Variants in DLG2 observed in about 807,000 individuals in gnomAD.
DLG2 encodes discs large MAGUK scaffold protein 2, also known as disks large homolog 2.
DLG2 carries 45 observed loss-of-function variants against 132.5 expected under a neutral mutation model. The observed-to-expected ratio is 0.34, with a 90% CI of 0.27 to 0.44. The LOEUF (loss-of-function observed/expected upper bound fraction) is 0.44. DLG2 is among the 20% of genes least tolerant of loss of function. The probability of loss-of-function intolerance (pLI) is 1.00; values close to 1 mark genes in which losing one functional copy is unlikely to be tolerated. For missense variants in DLG2, 1,045 were observed against 1,196.9 expected, an observed-to-expected ratio of 0.87 and a Z score of 1.87; for synonymous variants, 424 against 419.6, an observed-to-expected ratio of 1.01 and a Z score of -0.13.
At chr11:84,011,518 C>A (rs867418440) in intron 11 of DLG2, among the ~76,000 whole-genome samples, 1 of 151,754 alleles carries the variant, frequency 6.6e-6, no homozygotes, top group Non-Finnish European at 1.5e-5. Flanking sequence ...ACAAGAAAAA[C>A]CAGCTTTACT....
intron 6 of DLG2, among the ~76,000 whole-genome samples, chr11:84,589,540 A>G (rs192340449): frequency 2.2e-4 from 34 of 152,312 alleles, no homozygotes; most frequent in Admixed American, 2.0e-3. Context: ...GAAGTCTAGA[A>G]TTCTCCTAGA....
chr11:84,732,990 A>G (rs888178575), intron 6 of DLG2, among the ~76,000 whole-genome samples: 9 of 152,132 alleles, frequency 5.9e-5, no homozygotes. Flanking sequence ...TTATGGCTGC[A>G]TAGTATTCCA....
chr11:83,888,566 C>T (rs1349525690), intron 15 of DLG2, among the ~76,000 whole-genome samples: 1 of 152,158 alleles, frequency 6.6e-6, no homozygotes, highest in Non-Finnish European at 1.5e-5. Context: ...CATCAAGCTA[C>T]CAATGACTTT....
chr11:84,961,594 T>C lies in DLG2; in HGVS notation c.357+150067A>G, dbSNP rs148681917. On this transcript the variant is annotated intron_variant, in intron 6 of 27. Transcript: ENST00000376104. ...TGTGTATGCATGCACTAAGATGCTT[T>C]GTAAGCACTTGTTTGTTCATTAGTT... 4.0e-4 allele frequency among the ~76,000 whole-genome samples: 61 copies of C among 151,792 alleles called. 2 individuals carry two copies. Among genetic ancestry groups the C allele is most frequent in the African/African-American group, 1.3e-3 (55 of 41,382 alleles).
chr11:85,372,580 G>C (rs2085074122), intron 3 of DLG2, among the ~76,000 whole-genome samples: 1 of 152,194 alleles, frequency 6.6e-6, no homozygotes, highest in Non-Finnish European at 1.5e-5. Context: ...TGCCAATTAA[G>C]GCAACCCCAA....
At chr11:83,883,070 T>C (rs1463158170) in intron 15 of DLG2, among the ~76,000 whole-genome samples, 1 of 152,230 alleles carries the variant, frequency 6.6e-6, no homozygotes, top group African/African-American at 2.4e-5. Flanking sequence ...GCATGCTTGA[T>C]TTCTTAATTG....
chr11:83,870,719 C>T (rs1344646873), intron 16 of DLG2, among the ~76,000 whole-genome samples: 1 of 152,044 alleles, frequency 6.6e-6, no homozygotes, highest in Non-Finnish European at 1.5e-5. Flanking sequence ...GGTGTGCATG[C>T]TAATTGGGGG....
At chr11:85,152,685 T>G (rs2077335472) in intron 5 of DLG2, among the ~76,000 whole-genome samples, 1 of 152,196 alleles carries the variant, frequency 6.6e-6, no homozygotes, top group African/African-American at 2.4e-5. Context: ...CCAAGAACAT[T>G]CAAATAGTAA....
At position 83,468,816 on chromosome 11, in the gene DLG2, A is replaced by AT. The variant is rs2091580994; in HGVS notation, c.2619+384_2619+385insA. 2.0e-5 allele frequency among the ~76,000 whole-genome samples: 3 copies of AT among 152,246 alleles called. No homozygotes were observed. In the Middle Eastern group the frequency reaches 0.01, roughly 518 times the overall value. On this transcript the variant is annotated intron_variant, in intron 25 of 27. Coordinates refer to ENST00000376104, the MANE Select transcript of DLG2 (RefSeq NM_001142699.3). ...GCCCTTCTCATCTATCTTCTCTTCTACCATGAGGATGTCAAGTTTTCAGAG... is the reference window on the plus strand; with the variant it reads ...GCCCTTCTCATCTATCTTCTCTTCTATCCATGAGGATGTCAAGTTTTCAGAG...
At chr11:84,824,532 A>G (rs551732753) in intron 6 of DLG2, among the ~76,000 whole-genome samples, 1 of 152,004 alleles carries the variant, frequency 6.6e-6, no homozygotes, top group Admixed American at 6.6e-5. Flanking sequence ...GTTGCTTTTT[A>G]TTCATGAAAA....
intron 7 of DLG2, among the ~76,000 whole-genome samples, chr11:84,423,175 T>A (rs917591507): frequency 5.9e-5 from 9 of 152,124 alleles, no homozygotes; most frequent in Admixed American, 2.0e-4. Context: ...TAGAAATGGA[T>A]AGTGGTGATG....
chr11:85,331,635 A>C (rs568842498), intron 3 of DLG2, among the ~76,000 whole-genome samples: 1 of 152,272 alleles, frequency 6.6e-6, no homozygotes, highest in African/African-American at 2.4e-5. Context: ...CACCTGAAGT[A>C]GTAGGCCCCG....
At chr11:84,178,780 T>C (rs1166136912) in intron 8 of DLG2, among the ~76,000 whole-genome samples, 1 of 151,496 alleles carries the variant, frequency 6.6e-6, no homozygotes, top group African/African-American at 2.4e-5. Context: ...GAGACATCAG[T>C]AGCTATATAC....
intron 4 of DLG2, among the ~76,000 whole-genome samples, chr11:85,242,694 T>C (rs1480437923): frequency 6.6e-6 from 1 of 151,810 alleles, no homozygotes; most frequent in African/African-American, 2.4e-5. Flanking sequence ...TACCAAATAA[T>C]TGGCTTTTTA....
chr11:85,013,741 T>A lies in DLG2; in HGVS notation c.357+97920A>T, dbSNP rs140873331. 1.1e-3 allele frequency among the ~76,000 whole-genome samples: 165 copies of A among 152,288 alleles called. 4 individuals carry two copies. The East Asian group carries it at 0.029, about 26-fold the overall frequency. ...TTACTAAGTATATTCTTTATAACTA[T>A]TTTGTCAAGTTGCATGTAAAATTCT... is the stretch of plus-strand genomic sequence containing the variant. On this transcript the variant is annotated intron_variant, in intron 6 of 27. Coordinates refer to ENST00000376104, the MANE Select transcript of DLG2 (RefSeq NM_001142699.3).
At chr11:85,129,984 T>C (rs1003336234) in intron 5 of DLG2, among the ~76,000 whole-genome samples, 2 of 152,002 alleles carry the variant, frequency 1.3e-5, no homozygotes, top group African/African-American at 4.8e-5. Context: ...CATGTTATCA[T>C]TCGTAAGTGG....
At chr11:84,999,598 C>A (rs771993131) in intron 6 of DLG2, among the ~76,000 whole-genome samples, 1 of 152,060 alleles carries the variant, frequency 6.6e-6, no homozygotes, top group Non-Finnish European at 1.5e-5. Context: ...TAATAAGGTT[C>A]ACTGTGGGTT....
At chr11:84,888,585 A>G (rs866599958) in intron 6 of DLG2, among the ~76,000 whole-genome samples, 2 of 151,832 alleles carry the variant, frequency 1.3e-5, no homozygotes. Context: ...TCCTTTTTAT[A>G]TATCTCCTAT....
intron 18 of DLG2, chr11:83,693,882 A>G (rs1303726296): frequency 1.3e-5 from 2 of 152,078 alleles, no homozygotes; most frequent in African/African-American, 4.8e-5. Flanking sequence ...CCCTCATGCA[A>G]TTGTGTCAAA....
Sources: gnomAD v4.1 joint callset for allele counts (sites outside exome capture counted in the v4.1 genomes callset) on GRCh38, gnomAD v4.1.1 for gene constraint, MANE v1.5 for transcripts, NCBI Gene and HGNC (gene_info 2026-07-23, HGNC 2026-07-21) for gene names.